TCF12: variants seen among roughly 807,000 people sequenced by gnomAD.
The protein encoded by TCF12 is DNA-binding protein HTF4.
In TCF12, 45 loss-of-function variants were observed where a neutral mutation model predicts 86.0. The observed-to-expected ratio is 0.52, with a 90% CI of 0.41 to 0.67. The LOEUF is 0.67. TCF12 is among the 30% of genes least tolerant of loss of function. The pLI is 0.00. For synonymous variants in TCF12, 330 were observed against 299.6 expected, an observed-to-expected ratio of 1.10 and a Z score of -1.05; for missense variants, 881 against 859.9, an observed-to-expected ratio of 1.02 and a Z score of -0.31.
chr15:57,197,273 C>CA (rs2057318383), intron 7 of TCF12, among the ~76,000 whole-genome samples: 1 of 150,548 alleles, frequency 6.6e-6, no homozygotes, highest in South Asian at 2.1e-4. Flanking sequence ...TCTCCTGCCT[C>CA]AACCTCCCGA....
chr15:56,990,151 CTTT>C lies in TCF12; in HGVS notation c.148+69070_148+69072del, dbSNP rs372235874. Reference sequence around the variant, plus strand: ...CATTTATTTTTAGGCATAGTCTTGTCTTTTTTTTTTTTTTTTTTTGGTAAATAT... The same window carrying C: ...CATTTATTTTTAGGCATAGTCTTGTCTTTTTTTTTTTTTTTTGGTAAATAT... On this transcript the variant is annotated intron_variant, in intron 3 of 20. Coordinates refer to ENST00000333725, the MANE Select transcript of TCF12 (RefSeq NM_207037.2). Among the ~76,000 whole-genome samples the C allele has an allele frequency of 8.6e-5, 8 of 92,722 alleles. No homozygotes were observed. In the East Asian group the frequency reaches 9.1e-4, roughly 10 times the overall value. 60.8% of individuals were successfully genotyped at this position (92,722 alleles called of 152,430 possible). A position where few individuals can be genotyped will look rare whatever the true frequency, so the allele number is the denominator to read the frequency against.
intron 18 of TCF12, among the ~76,000 whole-genome samples, chr15:57,268,590 AAAG>A (rs1199112432): frequency 1.3e-5 from 2 of 152,170 alleles, no homozygotes; most frequent in African/African-American, 4.8e-5. Context: ...TCAGGGTATT[AAAG>A]AAGAGGTAAA....
chr15:57,112,925 C>G (rs1024598866), intron 5 of TCF12, among the ~76,000 whole-genome samples: 1 of 152,142 alleles, frequency 6.6e-6, no homozygotes, highest in Admixed American at 6.5e-5. Context: ...AATCCAAACT[C>G]ATTTAACTAA....
intron 3 of TCF12, among the ~76,000 whole-genome samples, chr15:56,970,698 A>G (rs998476037): frequency 6.6e-6 from 1 of 151,656 alleles, no homozygotes; most frequent in Non-Finnish European, 1.5e-5. Flanking sequence ...AAAATTAAAG[A>G]TAAGACTTTT....
At chr15:56,953,588 A>G (rs545152012) in intron 3 of TCF12, among the ~76,000 whole-genome samples, 1 of 152,152 alleles carries the variant, frequency 6.6e-6, no homozygotes, top group Non-Finnish European at 1.5e-5. Context: ...CTACAAGTTT[A>G]GTTTCTGGAA....
At chr15:57,284,615 G>GT (rs539710645) in intron 20 of TCF12, among the ~76,000 whole-genome samples, 92 of 152,374 alleles carry the variant, frequency 6.0e-4, no homozygotes, top group African/African-American at 2.1e-3. Context: ...GATGGGAGAG[G>GT]TAACTTATGC....
intron 3 of TCF12, among the ~76,000 whole-genome samples, chr15:56,973,288 T>C (rs1173573313): frequency 6.6e-6 from 1 of 152,100 alleles, no homozygotes; most frequent in African/African-American, 2.4e-5. Flanking sequence ...ATTAATTTAT[T>C]TCCAAGCTGT....
chr15:57,198,288 T>C (rs1597249770), intron 8 of TCF12, among the ~76,000 whole-genome samples: 1 of 152,204 alleles, frequency 6.6e-6, no homozygotes, highest in East Asian at 1.9e-4. Flanking sequence ...ACTGAGGTTA[T>C]TAATATGCAT....
intron 3 of TCF12, among the ~76,000 whole-genome samples, chr15:57,052,636 CAA>C (rs10573760): frequency 0.57 from 70,035 of 122,136 alleles, 17,841 homozygotes; most frequent in Admixed American, 0.61. Flanking sequence ...GACTCCATCT[CAA>C]AAAAAAAAAA....
intron 4 of TCF12, among the ~76,000 whole-genome samples, chr15:57,075,804 T>C (rs28637210): frequency 0.18 from 5,016 of 28,448 alleles, 512 homozygotes; most frequent in Admixed American, 0.32. Flanking sequence ...CTTTCTTTCT[T>C]TCTCTCTCTC....
intron 3 of TCF12, among the ~76,000 whole-genome samples, chr15:57,050,389 G>A (rs2067527836): frequency 6.6e-6 from 1 of 152,046 alleles, no homozygotes; most frequent in African/African-American, 2.4e-5. Flanking sequence ...ATGCTTAAAG[G>A]ATGTCATTCC....
rs140418230 is a variant in TCF12, at chr15:57,166,476, A to G, written c.390+10A>G. 1.9e-6 allele frequency: 3 copies of G among 1,609,804 alleles called. No individual in the cohort carries two copies. Among genetic ancestry groups the G allele is most frequent in the Non-Finnish European group, 2.5e-6 (3 of 1,178,156 alleles). ...ATTACCAGGCTGTCAAGTAAGTTTA[A>G]TGATTAAAAAAAGCAATGAGATGGT... On this transcript the variant is annotated intron_variant, in intron 6 of 20. Transcript: ENST00000333725.
intron 3 of TCF12, among the ~76,000 whole-genome samples, chr15:56,994,597 G>T (rs530198538): frequency 1.0e-3 from 152 of 152,116 alleles, no homozygotes; most frequent in African/African-American, 2.6e-3. Context: ...TTGCTCCTTG[G>T]GGGGAGCAAT....
intron 3 of TCF12, among the ~76,000 whole-genome samples, chr15:56,971,422 C>T (rs1215836869): frequency 1.3e-5 from 2 of 151,452 alleles, no homozygotes; most frequent in Non-Finnish European, 2.9e-5. Context: ...GAGACTTTAT[C>T]TCAAAAAAGA....
chr15:57,287,692 T>TGTA lies in TCF12; in HGVS notation c.*1549_*1551dup, dbSNP rs1371132026. 2 of 152,680 alleles carry TGTA rather than the reference T, an allele frequency of 1.3e-5. No homozygotes were observed. The highest frequency in any genetic ancestry group is 1.3e-4 in the Admixed American group (2 of 15,282). 9.5% of individuals were successfully genotyped at this position (152,680 alleles called of 1,614,324 possible). The stretch of plus-strand genomic sequence containing the variant: ...ACAGAGGAAAGGACCCAAATCACTA[T>TGTA]GTAGCTTAAAGATTTCTGTTAATTT... On this transcript the variant is annotated 3_prime_UTR_variant, in exon 21 of 21. Transcript: ENST00000333725.
intron 5 of TCF12, among the ~76,000 whole-genome samples, chr15:57,146,618 T>A (rs557524385): frequency 1.5e-4 from 23 of 152,316 alleles, no homozygotes; most frequent in South Asian, 4.1e-4. Flanking sequence ...ATCTGACTGA[T>A]TTTAATTTAG....
chr15:56,942,720 A>G (rs995222744), intron 3 of TCF12, among the ~76,000 whole-genome samples: 2 of 152,214 alleles, frequency 1.3e-5, no homozygotes, highest in Non-Finnish European at 2.9e-5. Flanking sequence ...CAAAATCTAA[A>G]GTAAGTCTTC....
rs2053975208 is a variant in TCF12 at position 57,154,393 on chromosome 15, C to G, written c.326-12009C>G. ...CTTGGTTGTTACTAAAGTTACTAAACTTGGGACCATCAGACCCAAGGTGCT... is the reference window on the plus strand; with the variant it reads ...CTTGGTTGTTACTAAAGTTACTAAAGTTGGGACCATCAGACCCAAGGTGCT... On this transcript the variant is annotated intron_variant, in intron 5 of 20. Coordinates refer to ENST00000333725, the MANE Select transcript of TCF12 (RefSeq NM_207037.2). Among the ~76,000 whole-genome samples the G allele has an allele frequency of 2.0e-5, 3 of 152,288 alleles. No individual in the cohort carries two copies. The South Asian group carries it at 6.2e-4, about 32-fold the overall frequency.
At chr15:56,973,554 A>G (rs1312082673) in intron 3 of TCF12, among the ~76,000 whole-genome samples, 1 of 152,162 alleles carries the variant, frequency 6.6e-6, no homozygotes, top group Non-Finnish European at 1.5e-5. Context: ...CAACTAATGT[A>G]TATAAAAGGA....
Sources: allele counts gnomAD v4.1 joint callset (sites outside exome capture counted in the v4.1 genomes callset), GRCh38; gene constraint gnomAD v4.1.1; transcripts MANE v1.5; gene names NCBI Gene and HGNC (gene_info 2026-07-23, HGNC 2026-07-21).